Variants in MYO1C observed in about 807,000 individuals in gnomAD.
MYO1C encodes the protein myosin IC, also known as unconventional myosin-Ic.
A neutral mutation model predicts 150.8 loss-of-function variants in MYO1C; 104 were observed. The observed-to-expected ratio is 0.69, with a 90% CI of 0.59 to 0.81. The LOEUF (loss-of-function observed/expected upper bound fraction) is 0.81. Among genes scored for constraint, MYO1C ranks in the 30% least tolerant of loss-of-function variants. MYO1C has a pLI of 0.00. For synonymous variants in MYO1C, 663 were observed against 579.9 expected (o/e 1.14, Z -2.06); for missense variants, 1,504 against 1,435.0 (o/e 1.05, Z -0.78).
intron 24 of MYO1C, 70 bp downstream of exon 24, chr17:1,470,105 G>T: frequency 1.3e-6 from 2 of 1,483,492 alleles, no homozygotes; most frequent in Non-Finnish European, 1.8e-6. Flanking sequence ...CAATCCTTTG[G>T]CCCGAAGAAA....
chr17:1,479,662 A>T lies in MYO1C; in HGVS notation c.950T>A (p.Ile317Asn). The T allele has an allele frequency of 3.1e-6, 5 of 1,613,310 alleles. No individual in the cohort carries two copies. In the South Asian group the frequency reaches 5.5e-5, roughly 18 times the overall value. Residue 317 changes from isoleucine (I) to asparagine (N), a missense_variant, in exon 8 of 32, where the codon ATC (isoleucine) becomes AAC (asparagine). Physicochemically the swap from Ile to Asn is moderately radical, Grantham distance 149. Coordinates refer to ENST00000648651, the MANE Select transcript of MYO1C (RefSeq NM_001080779.2). The surrounding 1 kb of genome is among the most constrained non-coding windows in gnomAD (Gnocchi z 4.2). ...IVASVLHLGN[I>N]HFAANEESNA... ...GCTCTCCTCGTTGGCAGCAAAGTGG[A>T]TGTTGCCCAAATGAAGGACGCTGGC...
At position 1,471,241 on chromosome 17, in the gene MYO1C, T is replaced by C; in HGVS notation, c.2117A>G (p.Glu706Gly). The change falls in exon 20 of 32, where the codon GAA becomes GGA. Residue 706 changes from glutamate to glycine, a missense_variant. Physicochemically the swap from Glu to Gly is moderately conservative, Grantham distance 98. Transcript: ENST00000648651. The stretch of plus-strand genomic sequence containing the variant: ...TACCCACCTGCCCATCTTGTACTCT[T>C]CTGGCTTGTAGCCCAGGTGTCGGAC... ...VLVRHLGYKP[E>G]EYKMGRTKIF... 1.2e-6 allele frequency: 2 copies of C among 1,613,966 alleles called. No individual in the cohort carries two copies. Among genetic ancestry groups the C allele is most frequent in the Non-Finnish European group, 1.7e-6 (2 of 1,179,986 alleles).
Position 1,491,752 on chromosome 17 carries a change from C to T in MYO1C, c.75+661G>A, listed in dbSNP as rs910368149. The T allele has an allele frequency of 3.3e-3, 1,999 of 598,824 alleles. 3 individuals carry two copies. The highest frequency in any genetic ancestry group is 3.8e-3 in the Non-Finnish European group (1,817 of 478,504). The allele number at this position is 598,824 out of a possible 1,614,324, so 37.1% of individuals were successfully genotyped here. On this transcript the variant is annotated intron_variant, in intron 1 of 31. Transcript: ENST00000648651. ...GGGCAGGGCCGCGCACCCTCCGGCCCCGCCCCGCCCCGCCTCAGCCCCGGC... is the reference window on the plus strand; with the variant it reads ...GGGCAGGGCCGCGCACCCTCCGGCCTCGCCCCGCCCCGCCTCAGCCCCGGC...
intron 1 of MYO1C, chr17:1,485,346 G>T: frequency 2.6e-6 from 1 of 377,642 alleles, no homozygotes; most frequent in Non-Finnish European, 3.3e-6. Context: ...ACCACGAAAG[G>T]CCCAGATTTC....
intron 2 of MYO1C, 136 bp downstream of exon 2, chr17:1,484,012 A>G: frequency 8.5e-7 from 1 of 1,170,136 alleles, no homozygotes; most frequent in Non-Finnish European, 1.2e-6. Flanking sequence ...ACTGCACTCC[A>G]GCCTGGGCAA....
rs771522929 is a variant in MYO1C, at chr17:1,474,988, C to A, written c.1619G>T (p.Gly540Val). 2 of 1,557,932 alleles carry A rather than the reference C, an allele frequency of 1.3e-6. No homozygotes were observed. The highest frequency in any genetic ancestry group is 2.4e-5 in the East Asian group (1 of 41,304). Reference sequence around the variant, plus strand: ...CGCATAGTGCAGAAGGCGGAATTCCCCTCGGCCCAGAGATTTCCTGGTCCG... The same window carrying A: ...CGCATAGTGCAGAAGGCGGAATTCCACTCGGCCCAGAGATTTCCTGGTCCG... The part of the protein sequence containing the change: ...DQRTRKSLGR[G>V]EFRLLHYAGE... The change falls in exon 15 of 32, where the codon GGG (glycine) becomes GTG (valine). Residue 540 changes from glycine (G) to valine (V), a missense_variant. Physicochemically the swap from Gly to Val is moderately radical, Grantham distance 109. Transcript: ENST00000648651.
intron 2 of MYO1C, 27 bp downstream of exon 2, chr17:1,484,121 C>G: frequency 6.2e-7 from 1 of 1,611,678 alleles, no homozygotes. Flanking sequence ...CCCCAGCACC[C>G]CTGCCATCTC....
At chr17:1,467,181 C>T in intron 31 of MYO1C, 61 bp downstream of exon 31, 1 of 1,480,276 alleles carries the variant, frequency 6.8e-7, no homozygotes, top group Non-Finnish European at 9.3e-7. Flanking sequence ...CTGCCAAGCA[C>T]AGCCAAGGAA....
intron 14 of MYO1C, among the ~76,000 whole-genome samples, chr17:1,476,897 G>A (rs1428421770): frequency 6.6e-6 from 1 of 151,844 alleles, no homozygotes; most frequent in Non-Finnish European, 1.5e-5. Context: ...GGAGGGCAGT[G>A]GTGCGATCTC....
At position 1,484,436 on chromosome 17, in the gene MYO1C, CGGGTGCGGGGGGCCT is replaced by C. The variant is rs911898007; in HGVS notation, c.76-148_76-134del. 1.4e-4 allele frequency: 155 copies of C among 1,135,662 alleles called. 1 individual carries two copies. Among genetic ancestry groups the C allele is most frequent in the South Asian group, 6.9e-4 (51 of 73,692 alleles). The allele number at this position is 1,135,662 out of a possible 1,614,324, so 70.3% of individuals were successfully genotyped here. On this transcript the variant is annotated intron_variant, in intron 1 of 31. Coordinates refer to ENST00000648651, the MANE Select transcript of MYO1C (RefSeq NM_001080779.2). ...GGCTAGACACGGGACATGAGCATGACGGGTGCGGGGGGCCTGGGTGCTGAGGGCCTGGGTGTGGTG... is the reference window on the plus strand; with the variant it reads ...GGCTAGACACGGGACATGAGCATGACGGGTGCTGAGGGCCTGGGTGTGGTG...
At position 1,479,541 on chromosome 17, in the gene MYO1C, C is replaced by T; in HGVS notation, c.1021-39G>A. 1 of 1,433,820 alleles carries T rather than the reference C, an allele frequency of 7.0e-7. No individual in the cohort carries two copies. The highest frequency in any genetic ancestry group is 9.6e-7 in the Non-Finnish European group (1 of 1,037,438). The allele number at this position is 1,433,820 out of a possible 1,614,324, so 88.8% of individuals were successfully genotyped here. A position where few individuals can be genotyped will look rare whatever the true frequency, so the allele number is the denominator to read the frequency against. On this transcript the variant is annotated intron_variant, in intron 8 of 31. Coordinates refer to ENST00000648651, the MANE Select transcript of MYO1C (RefSeq NM_001080779.2). This position sits in a 1 kb window ranked among gnomAD's most constrained non-coding sequence, Gnocchi z 4.2. ...GCGAGGACACGGTGAGGGTGCACCC[C>T]CAGCCCCCGCCCCCGCCGTCCTCCC...
chr17:1,486,590 A>G (rs1226091333), intron 1 of MYO1C, among the ~76,000 whole-genome samples: 1 of 149,416 alleles, frequency 6.7e-6, no homozygotes, highest in Non-Finnish European at 1.5e-5. Flanking sequence ...ATCTCGGCTC[A>G]CTGCAACCTC....
chr17:1,464,209 T>G lies in MYO1C; in HGVS notation c.*1517A>C, dbSNP rs907077304. On this transcript the variant is annotated 3_prime_UTR_variant, in exon 32 of 32. Transcript: ENST00000648651. ...CATTGGCAAACACGTATTGCTTTAT[T>G]TAGTGTTTCTCTGGATTGCAGAAGT... is the stretch of plus-strand genomic sequence containing the variant. 3 of 152,650 alleles carry G rather than the reference T, an allele frequency of 2.0e-5. No homozygotes were observed. The highest frequency in any genetic ancestry group is 6.5e-5 in the Admixed American group (1 of 15,276). The allele number at this position is 152,650 out of a possible 1,614,324, so 9.5% of individuals were successfully genotyped here. A position where few individuals can be genotyped will look rare whatever the true frequency, so the allele number is the denominator to read the frequency against.
chr17:1,492,597 C>T lies in MYO1C; in HGVS notation c.-110G>A, dbSNP rs1427384049. The T allele has an allele frequency of 1.0e-6, 1 of 996,246 alleles. No homozygotes were observed. The highest frequency in any genetic ancestry group is 1.5e-6 in the Non-Finnish European group (1 of 647,710). The allele number at this position is 996,246 out of a possible 1,614,324, so 61.7% of individuals were successfully genotyped here. On this transcript the variant is annotated 5_prime_UTR_variant, in exon 1 of 32. Coordinates refer to ENST00000648651, the MANE Select transcript of MYO1C (RefSeq NM_001080779.2). Reference sequence around the variant, plus strand: ...GGACCAGGAACCTACGGTCTAACGCCGGGATGGCCACTTGGTTCTGCTTCA... The same window carrying T: ...GGACCAGGAACCTACGGTCTAACGCTGGGATGGCCACTTGGTTCTGCTTCA...
Position 1,472,223 on chromosome 17 carries a change from G to A in MYO1C, c.1803C>T (p.Ala601=), listed in dbSNP as rs147424466. ...GCAGGAGGCTCATCTTGAACTGGGT[G>A]GCGACCTGGCGAGCCAAGAGGCATG... ...LSDKKRPETV[A]TQFKMSLLQL... Residue 601 remains alanine (A), a synonymous_variant, in exon 18 of 32, where the codon GCC becomes GCT. Coordinates refer to ENST00000648651, the MANE Select transcript of MYO1C (RefSeq NM_001080779.2). The A allele has an allele frequency of 1.4e-5, 23 of 1,613,932 alleles. No homozygotes were observed. In the African/African-American group the frequency reaches 2.9e-4, roughly 21 times the overall value.
At chr17:1,468,371 A>G in intron 26 of MYO1C, 32 bp downstream of exon 26, 1 of 1,613,572 alleles carries the variant, frequency 6.2e-7, no homozygotes. Flanking sequence ...ATGGTGACGA[A>G]AGGTCTGAGT....
Position 1,474,939 on chromosome 17 carries a change from G to C in MYO1C, c.1668C>G (p.Thr556=). The C allele has an allele frequency of 6.3e-7, 1 of 1,599,214 alleles. No individual in the cohort carries two copies. Among genetic ancestry groups the C allele is most frequent in the Non-Finnish European group, 8.5e-7 (1 of 1,172,466 alleles). ...GGGACACAGCCCCAGGATCCTCACC[G>C]GTCACGCTGTAGGTCACCTCCCCCG... ...HYAGEVTYSV[T]GFLDKNNDLL... is the part of the protein sequence containing the mutation. Residue 556 remains threonine (T), a splice_region_variant and synonymous_variant, in exon 15 of 32, where the codon ACC becomes ACG. Transcript: ENST00000648651.
At position 1,470,338 on chromosome 17, in the gene MYO1C, G is replaced by T; in HGVS notation, c.2367-4C>A. 6.5e-7 allele frequency: 1 copy of T among 1,542,332 alleles called. No individual in the cohort carries two copies. Among genetic ancestry groups the T allele is most frequent in the Non-Finnish European group, 8.8e-7 (1 of 1,140,074 alleles). ...CAGGACGAAGCCTCGGATGAGCCTG[G>T]GGTGGGGGGCCAGACAGGGTTGGGG... On this transcript the variant is annotated splice_region_variant and splice_polypyrimidine_tract_variant and intron_variant, in intron 23 of 31. Transcript: ENST00000648651.
rs191288672 is a variant in MYO1C, at chr17:1,476,444, G to C, written c.1574+1061C>G. ...CCCACCTAGGCCTCCCACAGTGTCG[G>C]GATGACAGGCGTGAGCCACCACGCC... On this transcript the variant is annotated intron_variant, in intron 14 of 31. Coordinates refer to ENST00000648651, the MANE Select transcript of MYO1C (RefSeq NM_001080779.2). Among the ~76,000 whole-genome samples, 604 of 152,272 alleles carry C rather than the reference G, an allele frequency of 4.0e-3. 1 individual carries two copies. The highest frequency in any genetic ancestry group is 6.9e-3 in the Non-Finnish European group (470 of 68,010).
Sources: allele counts gnomAD v4.1 joint callset (sites outside exome capture counted in the v4.1 genomes callset), GRCh38; gene constraint gnomAD v4.1.1; non-coding constraint Gnocchi (gnomAD v3.1); transcripts MANE v1.5; gene names NCBI Gene and HGNC (gene_info 2026-07-23, HGNC 2026-07-21).